Variants in ZNF763 observed in about 807,000 individuals in gnomAD.
The protein encoded by ZNF763 is zinc finger protein 763.
ZNF763 carries 33 observed loss-of-function variants against 38.0 expected under a neutral mutation model. The observed-to-expected ratio is 0.87, with a 90% CI of 0.66 to 1.16. ZNF763 has a LOEUF of 1.16. Among genes scored for constraint, ZNF763 ranks in the 50% most tolerant of loss-of-function variants. The pLI, the probability that ZNF763 is intolerant of heterozygous loss-of-function variation, is 0.00. For missense variants in ZNF763, 423 were observed against 469.1 expected (o/e 0.90, Z 0.91); for synonymous variants, 155 against 160.1 (o/e 0.97, Z 0.24).
intron 1 of ZNF763, among the ~76,000 whole-genome samples, chr19:11,974,148 T>C (rs1599316100): frequency 8.0e-6 from 1 of 124,886 alleles, no homozygotes; most frequent in African/African-American, 4.1e-5. Flanking sequence ...CTTTCTTTCT[T>C]TCTTTCTTTC....
Position 11,979,526 on chromosome 19 carries a change from A to T in ZNF763, c.*417A>T. 4 of 1,602,734 alleles carry T rather than the reference A, an allele frequency of 2.5e-6. No homozygotes were observed. The highest frequency in any genetic ancestry group is 3.4e-6 in the Non-Finnish European group (4 of 1,172,614). On this transcript the variant is annotated 3_prime_UTR_variant, in exon 4 of 4. Transcript: ENST00000358987. ...ATTTCAAAGACATGAAAAAACTCAC[A>T]CTGCAGAGAAACCCTATGAATGCAA...
chr19:11,972,159 C>A (rs1219631026), intron 1 of ZNF763, among the ~76,000 whole-genome samples: 1 of 151,422 alleles, frequency 6.6e-6, no homozygotes, highest in Non-Finnish European at 1.5e-5. Context: ...GTGATGTGTA[C>A]CTGTAGTCCC....
Position 11,978,734 on chromosome 19 carries a change from T to C in ZNF763, c.810T>C (p.Ser270=), listed in dbSNP as rs7254258. The C allele has an allele frequency of 0.018, 29,194 of 1,613,936 alleles. 315 individuals carry two copies. The highest frequency in any genetic ancestry group is 0.026 in the African/African-American group (1,983 of 74,950). ...GGAAAGCATTCCATAGTTCCAGTTC[T>C]TTTCAAGCACATAAAAGAACCCACA... ...QCGKAFHSSS[S]FQAHKRTHTG... is the part of the protein sequence containing the mutation. Residue 270 remains serine, a synonymous_variant, in exon 4 of 4, where the codon TCT becomes TCC. Coordinates refer to ENST00000358987, the MANE Select transcript of ZNF763 (RefSeq NM_001367172.2).
At chr19:11,968,100 A>G (rs976422108) in intron 1 of ZNF763, among the ~76,000 whole-genome samples, 1 of 152,138 alleles carries the variant, frequency 6.6e-6, no homozygotes, top group African/African-American at 2.4e-5. Flanking sequence ...GTGACTGGCA[A>G]GGAGTGTTTC....
chr19:11,978,450 G>T lies in ZNF763; in HGVS notation c.526G>T (p.Glu176Ter), dbSNP rs766355146. 5.0e-6 allele frequency: 8 copies of T among 1,614,010 alleles called. No individual in the cohort carries two copies. The highest frequency in any genetic ancestry group is 6.8e-6 in the Non-Finnish European group (8 of 1,180,010). The change falls in exon 4 of 4, where the codon GAA becomes TAA. Residue 176 changes from glutamate (E) to a stop codon, truncating the protein, a stop_gained. Coordinates refer to ENST00000358987, the MANE Select transcript of ZNF763 (RefSeq NM_001367172.2). LOFTEE classifies it high-confidence loss of function. ...HTGEKPYACK[E>*]CGKTFISHSG... ...CGGAGAGAAACCCTATGCTTGTAAAGAATGTGGAAAAACCTTTATTTCCCA... is the reference window on the plus strand; with the variant it reads ...CGGAGAGAAACCCTATGCTTGTAAATAATGTGGAAAAACCTTTATTTCCCA...
At chr19:11,975,230 G>A (rs1973460402) in intron 1 of ZNF763, among the ~76,000 whole-genome samples, 1 of 151,434 alleles carries the variant, frequency 6.6e-6, no homozygotes, top group Non-Finnish European at 1.5e-5. Context: ...CTCCTGAGTA[G>A]CTGAGATAAA....
At chr19:11,967,117 T>TG (rs1248967158) in intron 1 of ZNF763, among the ~76,000 whole-genome samples, 1 of 152,160 alleles carries the variant, frequency 6.6e-6, no homozygotes, top group Non-Finnish European at 1.5e-5. Flanking sequence ...GGAGGATCAC[T>TG]TGAGGTCAAG....
Position 11,977,442 on chromosome 19 carries a change from C to G in ZNF763, c.191+11C>G. The stretch of plus-strand genomic sequence containing the variant: ...CAGGAGAAACTTCAGGTAATTGGCA[C>G]TTAAAGAGAAAGCAGTGTCTCTAGA... On this transcript the variant is annotated intron_variant, in intron 3 of 3. Coordinates refer to ENST00000358987, the MANE Select transcript of ZNF763 (RefSeq NM_001367172.2). The G allele has an allele frequency of 6.2e-7, 1 of 1,613,604 alleles. No homozygotes were observed. The highest frequency in any genetic ancestry group is 8.5e-7 in the Non-Finnish European group (1 of 1,179,706).
At chr19:11,971,013 C>T (rs1973340185) in intron 1 of ZNF763, among the ~76,000 whole-genome samples, 1 of 152,198 alleles carries the variant, frequency 6.6e-6, no homozygotes, top group African/African-American at 2.4e-5. Flanking sequence ...TTCCATCTCT[C>T]TGTTAATACC....
At position 11,978,561 on chromosome 19, in the gene ZNF763, A is replaced by C. The variant is rs767378467; in HGVS notation, c.637A>C (p.Arg213=). The change falls in exon 4 of 4, where the codon AGA becomes CGA. Residue 213 remains arginine (R), a synonymous_variant. Coordinates refer to ENST00000358987, the MANE Select transcript of ZNF763 (RefSeq NM_001367172.2). The stretch of plus-strand genomic sequence containing the variant: ...TTGTGGGAAAGCTGTCCATTGTCTC[A>C]GATTATATCTTATCCATGAAAGAAC... The part of the protein sequence containing the change: ...KFCGKAVHCL[R]LYLIHERTHT... The C allele has an allele frequency of 3.1e-6, 5 of 1,614,252 alleles. No homozygotes were observed. Among genetic ancestry groups the C allele is most frequent in the Non-Finnish European group, 4.2e-6 (5 of 1,180,032 alleles).
At chr19:11,978,071 A>G (rs748201836) in intron 3 of ZNF763, 45 bp from the exon 4 acceptor site, 48 of 1,583,272 alleles carry the variant, frequency 3.0e-5, no homozygotes, top group Non-Finnish European at 4.0e-5. Flanking sequence ...GATTAATACA[A>G]AATTACTCAT....
chr19:11,977,935 T>G (rs1973531127), intron 3 of ZNF763, among the ~76,000 whole-genome samples, 181 bp from the exon 4 acceptor site: 1 of 149,968 alleles, frequency 6.7e-6, no homozygotes, highest in Non-Finnish European at 1.5e-5. Context: ...TATGAGTATT[T>G]TTTTAAACAA....
intron 1 of ZNF763, among the ~76,000 whole-genome samples, chr19:11,967,562 C>T (rs1973261020): frequency 6.6e-6 from 1 of 152,052 alleles, no homozygotes; most frequent in South Asian, 2.1e-4. Flanking sequence ...CGCCACCACG[C>T]TCGGCTAATT....
intron 1 of ZNF763, among the ~76,000 whole-genome samples, chr19:11,974,139 TTTCTTTCTTTCTTTCTTTCCTTCC>T (rs1568308572): frequency 8.2e-5 from 10 of 122,354 alleles, no homozygotes; most frequent in African/African-American, 4.0e-4. Flanking sequence ...TCTTTCTTTC[TTTCTTTCTTTCTTTCTTTCCTTCC>T]TTCCTTCCTT....
Position 11,968,309 on chromosome 19 carries a change from T to C in ZNF763, c.3+3098T>C, listed in dbSNP as rs187691150. Among the ~76,000 whole-genome samples, 10 of 152,254 alleles carry C rather than the reference T, an allele frequency of 6.6e-5. No homozygotes were observed. In the South Asian group the frequency reaches 8.3e-4, roughly 13 times the overall value. ...AGCTCTGTGGCCCAGGCTGGAGCAGTGGTGCGATCATGGCTTACTGCAGCC... is the reference window on the plus strand; with the variant it reads ...AGCTCTGTGGCCCAGGCTGGAGCAGCGGTGCGATCATGGCTTACTGCAGCC... On this transcript the variant is annotated intron_variant, in intron 1 of 3. Transcript: ENST00000358987.
intron 1 of ZNF763, among the ~76,000 whole-genome samples, chr19:11,972,105 G>A (rs1482358518): frequency 4.0e-5 from 6 of 151,826 alleles, no homozygotes; most frequent in African/African-American, 1.5e-4. Context: ...TCCAGCCTGG[G>A]TAACGTGGCA....
chr19:11,965,730 T>G (rs552904569), intron 1 of ZNF763, among the ~76,000 whole-genome samples: 85 of 152,324 alleles, frequency 5.6e-4, no homozygotes, highest in African/African-American at 2.0e-3. Flanking sequence ...AAATAAAGTT[T>G]ATTCGTAGCC....
Position 11,978,487 on chromosome 19 carries a change from G to T in ZNF763, c.563G>T (p.Arg188Leu). Residue 188 changes from arginine (R) to leucine (L), a missense_variant, in exon 4 of 4, where the codon CGA (arginine) becomes CTA (leucine). Transcript: ENST00000358987. ...GKTFISHSGIRRRMVMHSGDG... is the reference protein window; with the variant it reads ...GKTFISHSGILRRMVMHSGDG... Reference sequence around the variant, plus strand: ...ACCTTTATTTCCCATTCAGGCATTCGAAGACGCATGGTAATGCACAGTGGG... The same window carrying T: ...ACCTTTATTTCCCATTCAGGCATTCTAAGACGCATGGTAATGCACAGTGGG... The T allele has an allele frequency of 6.2e-7, 1 of 1,614,178 alleles. No homozygotes were observed. The highest frequency in any genetic ancestry group is 1.7e-5 in the Admixed American group (1 of 60,022).
At chr19:11,975,091 T>C (rs1369030259) in intron 1 of ZNF763, among the ~76,000 whole-genome samples, 1 of 152,098 alleles carries the variant, frequency 6.6e-6, no homozygotes, top group African/African-American at 2.4e-5. Flanking sequence ...GCCAAGATGT[T>C]ATTTTCTTTT....
Sources: allele counts gnomAD v4.1 joint callset (sites outside exome capture counted in the v4.1 genomes callset), GRCh38; gene constraint gnomAD v4.1.1; transcripts MANE v1.5; gene names NCBI Gene and HGNC (gene_info 2026-07-23, HGNC 2026-07-21).